Variants in PTPRZ1 observed in about 807,000 individuals in gnomAD.
PTPRZ1 encodes receptor-type tyrosine-protein phosphatase zeta.
A neutral mutation model predicts 214.1 loss-of-function variants in PTPRZ1; 82 were observed. That is an observed-to-expected ratio of 0.38 (90% CI 0.32 to 0.46). The LOEUF is 0.46. Ranked by LOEUF, PTPRZ1 falls within the 20% of genes least tolerant of loss-of-function variation. The probability of loss-of-function intolerance (pLI) is 1.00; values close to 1 mark genes in which losing one functional copy is unlikely to be tolerated. For synonymous variants in PTPRZ1, 945 were observed against 987.9 expected (o/e 0.96, Z 0.81); for missense variants, 2,603 against 2,748.7 (o/e 0.95, Z 1.19).
chr7:121,878,729 C>A (rs1471718306), intron 1 of PTPRZ1, among the ~76,000 whole-genome samples: 1 of 152,120 alleles, frequency 6.6e-6, no homozygotes, highest in Non-Finnish European at 1.5e-5. Context: ...GGTAAAGAAT[C>A]CATTCTTACA....
At chr7:121,915,347 T>G (rs1162353198) in intron 1 of PTPRZ1, among the ~76,000 whole-genome samples, 4 of 152,316 alleles carry the variant, frequency 2.6e-5, no homozygotes, top group Admixed American at 2.6e-4. Context: ...CCCCTTGCTC[T>G]GAGACCGGAG....
intron 2 of PTPRZ1, among the ~76,000 whole-genome samples, chr7:121,938,728 C>T (rs1796159940): frequency 1.3e-5 from 2 of 150,466 alleles, no homozygotes; most frequent in South Asian, 2.1e-4. Context: ...AAAGCAAATG[C>T]TCTTTAAAAA....
intron 8 of PTPRZ1, 77 bp from the exon 9 acceptor site, chr7:121,996,305 T>C: frequency 9.5e-7 from 1 of 1,052,416 alleles, no homozygotes; most frequent in Non-Finnish European, 1.3e-6. Flanking sequence ...ACAATAAAAT[T>C]TTTATAGAAT....
At chr7:122,023,604 TTTATATATAA>T (rs1467706869) in intron 13 of PTPRZ1, among the ~76,000 whole-genome samples, 1 of 132,582 alleles carries the variant, frequency 7.5e-6, no homozygotes, top group Non-Finnish European at 1.6e-5. Flanking sequence ...TATGTATAAT[TTTATATATAA>T]TTATATATAT....
At chr7:121,874,065 C>CACACAA (rs1554421850) in intron 1 of PTPRZ1, among the ~76,000 whole-genome samples, 1 of 151,314 alleles carries the variant, frequency 6.6e-6, no homozygotes, top group African/African-American at 2.4e-5. Context: ...CACACACACA[C>CACACAA]CTGAAAGGTA....
rs1799283411 is a variant in PTPRZ1 at position 122,028,762 on chromosome 7, T to C, written c.5080+119T>C. The C allele has an allele frequency of 7.0e-6, 5 of 709,682 alleles. No individual in the cohort carries two copies. In the South Asian group the frequency reaches 9.8e-5, roughly 14 times the overall value. 44.0% of individuals were successfully genotyped at this position (709,682 alleles called of 1,614,324 possible). On this transcript the variant is annotated intron_variant, in intron 14 of 29. Transcript: ENST00000393386. ...TTGCTATAATGTAGATTAGTAAATT[T>C]TTGTGTTGCCCCAAATATTTATTAC...
At chr7:121,985,869 A>T (rs948667888) in intron 8 of PTPRZ1, among the ~76,000 whole-genome samples, 4 of 152,228 alleles carry the variant, frequency 2.6e-5, no homozygotes, top group African/African-American at 9.6e-5. Flanking sequence ...TGTCTCTGCC[A>T]GCAATCTCTG....
In PTPRZ1 at chr7:121,927,297, T is replaced by C. The variant is rs1040896915; in HGVS notation, c.59-859T>C. Among the ~76,000 whole-genome samples the C allele has an allele frequency of 3.9e-5, 6 of 152,322 alleles. No homozygotes were observed. The South Asian group carries it at 1.0e-3, about 26-fold the overall frequency. On this transcript the variant is annotated intron_variant, in intron 1 of 29. Transcript: ENST00000393386. ...CTGCAAAGATTTATTTTACCCACAG[T>C]GTAGCTGAAATGAAGTATTAATGTT...
intron 1 of PTPRZ1, among the ~76,000 whole-genome samples, chr7:121,897,309 A>G (rs780941150): frequency 6.6e-6 from 1 of 152,074 alleles, no homozygotes; most frequent in Admixed American, 6.5e-5. Flanking sequence ...AATGGTGGAG[A>G]TACAGTTTGA....
intron 17 of PTPRZ1, among the ~76,000 whole-genome samples, chr7:122,035,352 G>A (rs890671270): frequency 2.0e-5 from 3 of 152,026 alleles, no homozygotes; most frequent in African/African-American, 7.2e-5. Flanking sequence ...TTCCTGAACT[G>A]CGTCTATCCT....
intron 13 of PTPRZ1, among the ~76,000 whole-genome samples, chr7:122,023,371 T>C (rs983555215): frequency 1.3e-5 from 2 of 150,396 alleles, no homozygotes; most frequent in Admixed American, 6.7e-5. Flanking sequence ...ACTTGGTTTC[T>C]CCTGTTTACC....
At chr7:121,890,404 C>T (rs2116210438) in intron 1 of PTPRZ1, among the ~76,000 whole-genome samples, 1 of 152,250 alleles carries the variant, frequency 6.6e-6, no homozygotes, top group African/African-American at 2.4e-5. Flanking sequence ...TCCTGGGTTA[C>T]ATTTTTTCAT....
intron 13 of PTPRZ1, among the ~76,000 whole-genome samples, chr7:122,025,098 A>G (rs868698483): frequency 6.6e-6 from 1 of 152,168 alleles, no homozygotes; most frequent in Non-Finnish European, 1.5e-5. Context: ...CACCTATTCT[A>G]CTCCTGGCAC....
chr7:121,972,434 A>G, intron 3 of PTPRZ1, 107 bp from the exon 4 acceptor site: 1 of 1,163,962 alleles, frequency 8.6e-7, no homozygotes, highest in Non-Finnish European at 1.2e-6. Context: ...TTGTAAATTT[A>G]TCAAATAAAT....
At chr7:121,935,849 T>C (rs1318281754) in intron 2 of PTPRZ1, among the ~76,000 whole-genome samples, 1 of 152,222 alleles carries the variant, frequency 6.6e-6, no homozygotes, top group Admixed American at 6.5e-5. Context: ...ATTACAGGTA[T>C]GAGCCACCTC....
chr7:121,917,543 G>GA (rs1296526087), intron 1 of PTPRZ1, among the ~76,000 whole-genome samples: 2 of 152,020 alleles, frequency 1.3e-5, no homozygotes, highest in African/African-American at 2.4e-5. Flanking sequence ...ACTATTGAAA[G>GA]AAAAAACCCA....
intron 2 of PTPRZ1, among the ~76,000 whole-genome samples, chr7:121,940,918 C>G (rs1269732624): frequency 6.6e-6 from 1 of 152,132 alleles, no homozygotes; most frequent in African/African-American, 2.4e-5. Context: ...CTATACCAGC[C>G]TTTTCAAAAG....
intron 8 of PTPRZ1, among the ~76,000 whole-genome samples, chr7:121,990,512 CTTTTTTTTTTTTTT>C (rs758696565): frequency 9.5e-5 from 7 of 73,470 alleles, no homozygotes; most frequent in African/African-American, 3.6e-4. Flanking sequence ...TGAAAACTGT[CTTTTTTTTTTTTTT>C]TTTTTTTTTT....
chr7:122,032,848 T>C (rs1799423486), intron 15 of PTPRZ1, among the ~76,000 whole-genome samples: 1 of 152,164 alleles, frequency 6.6e-6, no homozygotes, highest in African/African-American at 2.4e-5. Flanking sequence ...GGTGGAATAA[T>C]ATAAATAATT....
Sources: gnomAD v4.1 joint callset for allele counts (sites outside exome capture counted in the v4.1 genomes callset) on GRCh38, gnomAD v4.1.1 for gene constraint, MANE v1.5 for transcripts, NCBI Gene and HGNC (gene_info 2026-07-23, HGNC 2026-07-21) for gene names.